Variants in SHANK2 observed in about 807,000 individuals in gnomAD.
The protein encoded by SHANK2 is SH3 and multiple ankyrin repeat domains protein 2.
Under a neutral mutation model 133.7 loss-of-function variants are expected in SHANK2, and 43 were observed. The observed-to-expected ratio is 0.32, with a 90% CI of 0.25 to 0.41. SHANK2 has a LOEUF of 0.41. SHANK2 is among the 10% of genes least tolerant of loss of function. The pLI is 1.00. For synonymous variants in SHANK2, 1,017 were observed against 952.8 expected, an observed-to-expected ratio of 1.07 and a Z score of -1.24; for missense variants, 1,994 against 2,235.8, an observed-to-expected ratio of 0.89 and a Z score of 2.18.
intron 11 of SHANK2, among the ~76,000 whole-genome samples, chr11:70,848,635 G>T (rs536563476): frequency 2.0e-5 from 3 of 152,196 alleles, no homozygotes; most frequent in Non-Finnish European, 4.4e-5. Flanking sequence ...CTTCCAATGC[G>T]ATTTGACCAC....
intron 25 of SHANK2, chr11:70,474,895 AT>A (rs1414343309): frequency 6.6e-6 from 1 of 152,076 alleles, no homozygotes; most frequent in Non-Finnish European, 1.5e-5. Flanking sequence ...TCTCCCTCCT[AT>A]GTGGTGGGTT....
intron 9 of SHANK2, among the ~76,000 whole-genome samples, chr11:71,063,872 C>A (rs929126394): frequency 6.6e-6 from 1 of 152,190 alleles, no homozygotes; most frequent in Non-Finnish European, 1.5e-5. Context: ...CACGAAGGAG[C>A]GTTCCTGGGG....
At chr11:70,607,120 G>A (rs530285086) in intron 17 of SHANK2, among the ~76,000 whole-genome samples, 2 of 152,236 alleles carry the variant, frequency 1.3e-5, no homozygotes, top group East Asian at 1.9e-4. Context: ...AGACGGGGGC[G>A]GCCTTCCTGG....
chr11:70,770,095 G>A (rs974769557), intron 14 of SHANK2, among the ~76,000 whole-genome samples: 4 of 152,314 alleles, frequency 2.6e-5, no homozygotes, highest in Admixed American at 2.6e-4. Context: ...GATTCTGGTC[G>A]CAAAGCAGCT....
At chr11:70,595,386 A>C (rs1840626716) in intron 17 of SHANK2, among the ~76,000 whole-genome samples, 1 of 152,168 alleles carries the variant, frequency 6.6e-6, no homozygotes, top group African/African-American at 2.4e-5. Context: ...GAATTTAATA[A>C]ATTTATTTAT....
chr11:71,205,795 G>A (rs1314794870), intron 2 of SHANK2, among the ~76,000 whole-genome samples: 1 of 152,178 alleles, frequency 6.6e-6, no homozygotes, highest in Non-Finnish European at 1.5e-5. Context: ...GGGTGGCAGA[G>A]TCCACAGGGT....
intron 17 of SHANK2, among the ~76,000 whole-genome samples, chr11:70,628,122 G>A (rs1344962868): frequency 6.6e-6 from 1 of 152,138 alleles, no homozygotes; most frequent in Non-Finnish European, 1.5e-5. Context: ...ACCATGCCCA[G>A]CTAATTTTTG....
At chr11:70,612,380 C>T (rs573345533) in intron 17 of SHANK2, among the ~76,000 whole-genome samples, 2 of 152,284 alleles carry the variant, frequency 1.3e-5, no homozygotes, top group South Asian at 2.1e-4. Flanking sequence ...CTGCATCTCT[C>T]GCCAGGTACA....
At chr11:70,566,978 C>T (rs563741350) in intron 17 of SHANK2, among the ~76,000 whole-genome samples, 12 of 152,200 alleles carry the variant, frequency 7.9e-5, no homozygotes, top group East Asian at 3.8e-4. Flanking sequence ...AAACCATACC[C>T]GGCTTTGATG....
intron 1 of SHANK2, chr11:71,226,625 A>C (rs1954648694): frequency 6.6e-6 from 1 of 152,214 alleles, no homozygotes; most frequent in South Asian, 2.1e-4. Flanking sequence ...CAAGTGATGA[A>C]AGAAAAGTAT....
At chr11:71,163,093 A>AAAAACATATATATAAAAATATATATATAT in intron 2 of SHANK2, among the ~76,000 whole-genome samples, 1 of 84,678 alleles carries the variant, frequency 1.2e-5, no homozygotes, top group African/African-American at 4.6e-5. Context: ...AAAAAAAAAA[A>AAAAACATATATATAAAAATATATATATAT]ATACATATAT....
intron 17 of SHANK2, among the ~76,000 whole-genome samples, chr11:70,642,635 C>T (rs1447972562): frequency 6.6e-6 from 1 of 152,200 alleles, no homozygotes; most frequent in Non-Finnish European, 1.5e-5. Context: ...TTCCATCCTT[C>T]CCCTGACACC....
At chr11:70,494,033 G>T (rs1312980062) in intron 21 of SHANK2, among the ~76,000 whole-genome samples, 1 of 152,234 alleles carries the variant, frequency 6.6e-6, no homozygotes, top group Non-Finnish European at 1.5e-5. Context: ...GATCAGGGTT[G>T]TCCAACACAA....
chr11:70,948,276 T>C (rs1328961325), intron 10 of SHANK2: 2 of 457,080 alleles, frequency 4.4e-6, no homozygotes, highest in Non-Finnish European at 8.8e-6. Flanking sequence ...ATGTTGCACG[T>C]TTCTCTGCTT....
intron 2 of SHANK2, among the ~76,000 whole-genome samples, chr11:71,222,827 C>T (rs1197580246): frequency 6.6e-6 from 1 of 152,236 alleles, no homozygotes; most frequent in Non-Finnish European, 1.5e-5. Flanking sequence ...CATATGCATC[C>T]TTGTGACACC....
intron 2 of SHANK2, among the ~76,000 whole-genome samples, chr11:71,195,662 T>C (rs1316597037): frequency 1.3e-5 from 2 of 152,226 alleles, no homozygotes; most frequent in Non-Finnish European, 2.9e-5. Context: ...AGGCCCACTC[T>C]TAAAGGATCA....
intron 17 of SHANK2, among the ~76,000 whole-genome samples, chr11:70,530,104 C>A (rs1168344666): frequency 6.6e-6 from 1 of 152,202 alleles, no homozygotes; most frequent in Non-Finnish European, 1.5e-5. Flanking sequence ...GATATTTGCT[C>A]ACCATGTTCA....
intron 12 of SHANK2, among the ~76,000 whole-genome samples, chr11:70,817,683 G>A (rs1269036380): frequency 6.6e-6 from 1 of 152,194 alleles, no homozygotes. Context: ...GCTGTGGGAG[G>A]CGGCCACCCT....
chr11:70,557,062 G>A (rs1011359170), intron 17 of SHANK2, among the ~76,000 whole-genome samples: 4 of 152,114 alleles, frequency 2.6e-5, no homozygotes, highest in Non-Finnish European at 5.9e-5. Flanking sequence ...GGCCATAAAT[G>A]TAGTGGCATT....
Sources: allele counts gnomAD v4.1 joint callset (sites outside exome capture counted in the v4.1 genomes callset), GRCh38; gene constraint gnomAD v4.1.1; transcripts MANE v1.5; gene names NCBI Gene and HGNC (gene_info 2026-07-23, HGNC 2026-07-21).